HUNK: variants seen among roughly 807,000 people sequenced by gnomAD.
HUNK encodes hormonally up-regulated neu tumor-associated kinase.
In HUNK, 21 loss-of-function variants were observed where a neutral mutation model predicts 61.0. That is an observed-to-expected ratio of 0.34 (90% CI 0.24 to 0.50). The LOEUF (loss-of-function observed/expected upper bound fraction) is 0.50, where lower values mean the gene tolerates loss of function less well. Ranked by LOEUF, HUNK falls within the 20% of genes least tolerant of loss-of-function variation. The probability of loss-of-function intolerance (pLI) is 0.98; values close to 1 mark genes in which losing one functional copy is unlikely to be tolerated. For synonymous variants in HUNK, 371 were observed against 386.1 expected (o/e 0.96, Z 0.46); for missense variants, 772 against 945.7 (o/e 0.82, Z 2.41).
intron 1 of HUNK, among the ~76,000 whole-genome samples, chr21:31,909,941 T>TGGAGCCG (rs140440891): frequency 0.056 from 8,529 of 152,194 alleles, 365 homozygotes; most frequent in African/African-American, 0.11. Flanking sequence ...AGGCTTGGGC[T>TGGAGCCG]GGAGCCGGGA....
intron 8 of HUNK, among the ~76,000 whole-genome samples, chr21:31,989,045 C>G (rs1446261951): frequency 6.6e-6 from 1 of 152,140 alleles, no homozygotes; most frequent in Non-Finnish European, 1.5e-5. Flanking sequence ...TGGTCTTGAA[C>G]TCCTGAGCTT....
intron 4 of HUNK, among the ~76,000 whole-genome samples, chr21:31,954,808 G>T (rs35868776): frequency 6.6e-6 from 1 of 151,970 alleles, no homozygotes; most frequent in African/African-American, 2.4e-5. Context: ...AAGAGTCAGG[G>T]TCTTGCTCTG....
At chr21:31,979,515 C>CTTT (rs71193166) in intron 7 of HUNK, among the ~76,000 whole-genome samples, 1,409 of 34,224 alleles carry the variant, frequency 0.041, 192 homozygotes, top group Non-Finnish European at 0.067. Context: ...TGTTTGCATT[C>CTTT]TTTTTTTTTT....
At chr21:31,930,534 C>A (rs923796868) in intron 2 of HUNK, among the ~76,000 whole-genome samples, 2 of 152,208 alleles carry the variant, frequency 1.3e-5, no homozygotes. Flanking sequence ...CAGGCTTGGC[C>A]CCCTGGCCAT....
Position 32,003,331 on chromosome 21 carries a change from C to T in HUNK, c.*4147C>T, listed in dbSNP as rs1248297099. On this transcript the variant is annotated 3_prime_UTR_variant, in exon 11 of 11. Coordinates refer to ENST00000270112, the MANE Select transcript of HUNK (RefSeq NM_014586.2). ...AACTCTGTCTTTCTCAGTTGACTTC[C>T]CAAGTAAGCAGCAAACCCCTGGATA... 1.3e-5 allele frequency: 2 copies of T among 152,152 alleles called. No homozygotes were observed. The highest frequency in any genetic ancestry group is 4.8e-5 in the African/African-American group (2 of 41,422). 9.4% of individuals were successfully genotyped at this position (152,152 alleles called of 1,614,324 possible). A position where few individuals can be genotyped will look rare whatever the true frequency, so the allele number is the denominator to read the frequency against.
At chr21:31,916,146 G>T (rs1219453328) in intron 1 of HUNK, among the ~76,000 whole-genome samples, 1 of 148,664 alleles carries the variant, frequency 6.7e-6, no homozygotes, top group Admixed American at 6.8e-5. Flanking sequence ...CGCCTCCCGG[G>T]TTCATGCCAT....
chr21:31,914,632 T>C (rs1436201170), intron 1 of HUNK, among the ~76,000 whole-genome samples: 3 of 152,026 alleles, frequency 2.0e-5, no homozygotes, highest in African/African-American at 7.2e-5. Context: ...AGTCTGGAAG[T>C]CTGAGATCAA....
chr21:31,949,799 T>C (rs528659294), intron 4 of HUNK, among the ~76,000 whole-genome samples: 2 of 152,204 alleles, frequency 1.3e-5, no homozygotes, highest in South Asian at 4.1e-4. Flanking sequence ...CTTCCACTCA[T>C]GGTGGGAGGT....
chr21:31,971,061 T>C (rs1234823257), intron 6 of HUNK, among the ~76,000 whole-genome samples: 1 of 46,398 alleles, frequency 2.2e-5, no homozygotes, highest in South Asian at 1.1e-3. Flanking sequence ...AGAATTCTTT[T>C]TCTTTATTTT....
At chr21:31,874,007 C>A in intron 1 of HUNK, 72 bp downstream of exon 1, 1 of 1,219,878 alleles carries the variant, frequency 8.2e-7, no homozygotes, top group Non-Finnish European at 1.1e-6. Context: ...GCGGGGAGCA[C>A]TGCACTGGGA....
chr21:31,999,247 T>C lies in HUNK; in HGVS notation c.*63T>C. On this transcript the variant is annotated 3_prime_UTR_variant, in exon 11 of 11. Transcript: ENST00000270112. ...GCAACTGAACAGAGCTCCACACATC[T>C]GTCAGGGTGTGAGCACTCCAAGGCC... The C allele has an allele frequency of 7.0e-7, 1 of 1,424,078 alleles. No homozygotes were observed. The highest frequency in any genetic ancestry group is 9.6e-7 in the Non-Finnish European group (1 of 1,042,872). The allele number at this position is 1,424,078 out of a possible 1,614,324, so 88.2% of individuals were successfully genotyped here. A position where few individuals can be genotyped will look rare whatever the true frequency, so the allele number is the denominator to read the frequency against.
At chr21:31,899,009 T>C (rs1053241523) in intron 1 of HUNK, among the ~76,000 whole-genome samples, 7 of 152,152 alleles carry the variant, frequency 4.6e-5, no homozygotes, top group African/African-American at 1.7e-4. Context: ...GATGATAAGC[T>C]GCTCTTAAGT....
intron 4 of HUNK, among the ~76,000 whole-genome samples, chr21:31,954,192 T>C (rs994114610): frequency 3.3e-5 from 5 of 152,182 alleles, no homozygotes; most frequent in Non-Finnish European, 7.3e-5. Context: ...TATCATGATG[T>C]CCTACTTCCT....
At chr21:31,919,459 T>C (rs1396755929) in intron 1 of HUNK, among the ~76,000 whole-genome samples, 1 of 152,184 alleles carries the variant, frequency 6.6e-6, no homozygotes. Context: ...AAGCCTGGCA[T>C]GTGGGAACCA....
chr21:31,969,138 A>C (rs1014969749), intron 6 of HUNK, among the ~76,000 whole-genome samples: 1 of 151,670 alleles, frequency 6.6e-6, no homozygotes, highest in Admixed American at 6.6e-5. Context: ...TGGCCTCCCA[A>C]AGTGCTGGGA....
intron 8 of HUNK, among the ~76,000 whole-genome samples, chr21:31,987,824 G>A (rs1366746387): frequency 3.3e-5 from 5 of 152,186 alleles, no homozygotes; most frequent in African/African-American, 9.7e-5. Context: ...AAGTCCATTC[G>A]GAGCCAGAGG....
chr21:31,968,196 G>A (rs2052980972), intron 5 of HUNK, 54 bp from the exon 6 acceptor site: 1 of 1,608,826 alleles, frequency 6.2e-7, no homozygotes. Context: ...GGCTTTCACT[G>A]GTGTCTGCGT....
intron 1 of HUNK, among the ~76,000 whole-genome samples, chr21:31,900,753 A>G (rs1383145748): frequency 6.6e-6 from 1 of 152,146 alleles, no homozygotes; most frequent in Non-Finnish European, 1.5e-5. Flanking sequence ...TTTCTGATGG[A>G]CTGGACACGG....
At chr21:31,946,221 G>A (rs753723155) in intron 4 of HUNK, 50 bp downstream of exon 4, 10 of 1,568,888 alleles carry the variant, frequency 6.4e-6, no homozygotes, top group Middle Eastern at 1.7e-4. Flanking sequence ...TGTCTCCACC[G>A]TGCCTTCCTT....
Sources: gnomAD v4.1 joint callset for allele counts (sites outside exome capture counted in the v4.1 genomes callset) on GRCh38, gnomAD v4.1.1 for gene constraint, MANE v1.5 for transcripts, NCBI Gene and HGNC (gene_info 2026-07-23, HGNC 2026-07-21) for gene names.